The following FAT3 variants were observed in gnomAD, a reference collection of about 807,000 sequenced individuals.
FAT3 encodes protocadherin Fat 3.
In FAT3, 95 loss-of-function variants were observed where a neutral mutation model predicts 310.2. That is an observed-to-expected ratio of 0.31 (90% CI 0.26 to 0.36). The LOEUF (loss-of-function observed/expected upper bound fraction) is 0.36, where lower values mean the gene tolerates loss of function less well. FAT3 is among the 10% of genes least tolerant of loss of function. The probability of loss-of-function intolerance (pLI) is 1.00; values close to 1 mark genes in which losing one functional copy is unlikely to be tolerated. For missense variants in FAT3, 5,408 were observed against 5,715.6 expected (o/e 0.95, Z 1.74); for synonymous variants, 2,314 against 2,192.9 (o/e 1.06, Z -1.54).
At chr11:92,433,696 T>C (rs1016785906) in intron 2 of FAT3, among the ~76,000 whole-genome samples, 6 of 151,886 alleles carry the variant, frequency 4.0e-5, no homozygotes, top group Non-Finnish European at 8.8e-5. Context: ...TGCCCAGGAA[T>C]CGAAAAGCCA....
chr11:92,696,126 GTA>G (rs563569384), intron 3 of FAT3, among the ~76,000 whole-genome samples: 8 of 147,404 alleles, frequency 5.4e-5, no homozygotes, highest in African/African-American at 5.0e-5. Context: ...TATACCATGT[GTA>G]TATATATATA....
In FAT3 at chr11:92,890,866, C is replaced by T. The variant is rs757499607; in HGVS notation, c.13523C>T (p.Pro4508Leu). The T allele has an allele frequency of 9.3e-6, 15 of 1,613,846 alleles. No individual in the cohort carries two copies. The highest frequency in any genetic ancestry group is 2.7e-5 in the African/African-American group (2 of 74,914). The change falls in exon 28 of 28, where the codon CCG becomes CTG. Residue 4508 changes from proline (P) to leucine (L), a missense_variant. By Grantham distance (98) the Pro-to-Leu change is moderately conservative. Coordinates refer to ENST00000525166, the MANE Select transcript of FAT3 (RefSeq NM_001367949.2). ...PFPNETDLVG[P>L]PASCEFSTFA... is the part of the protein sequence containing the mutation. ...CCCAACGAAACGGATTTGGTGGGCCCGCCTGCCAGCTGTGAATTTAGTACT... is the reference window on the plus strand; with the variant it reads ...CCCAACGAAACGGATTTGGTGGGCCTGCCTGCCAGCTGTGAATTTAGTACT...
At chr11:92,788,982 T>G (rs1946969499) in intron 7 of FAT3, among the ~76,000 whole-genome samples, 1 of 152,180 alleles carries the variant, frequency 6.6e-6, no homozygotes, top group Non-Finnish European at 1.5e-5. Context: ...TTTGCATATC[T>G]TGGTTAAAAG....
chr11:92,352,776 G>T lies in FAT3; in HGVS notation c.664G>T (p.Asp222Tyr), dbSNP rs771802971. 1 of 1,613,842 alleles carries T rather than the reference G, an allele frequency of 6.2e-7. No individual in the cohort carries two copies. The highest frequency in any genetic ancestry group is 1.1e-5 in the South Asian group (1 of 91,082). Residue 222 changes from aspartate to tyrosine, a missense_variant, in exon 2 of 28, where the codon GAT becomes TAT. Physicochemically the swap from Asp to Tyr is radical, Grantham distance 160. Around this residue, in one of 5 missense-constraint regions of FAT3, gnomAD observed 4,588 missense variants for 4,809.8 expected, o/e 0.95. Transcript: ENST00000525166. ...VISLSGRLNY[D>Y]EKNRYDLEIL... is the part of the protein sequence containing the mutation. ...CTCCTTAAGTGGTCGATTAAATTAT[G>T]ATGAAAAGAATAGGTATGATCTGGA... is the stretch of plus-strand genomic sequence containing the variant.
rs1338690498 is a variant in FAT3, at chr11:92,892,583, T to G, written c.*1470T>G. 1 of 152,106 alleles carries G rather than the reference T, an allele frequency of 6.6e-6. No individual in the cohort carries two copies. The allele number at this position is 152,106 out of a possible 1,614,324, so 9.4% of individuals were successfully genotyped here. Reference sequence around the variant, plus strand: ...TGTGCCACCACGCCTGGCTAATTTTTTGTATTTTTAGTAGAGATGGGGTTT... The same window carrying G: ...TGTGCCACCACGCCTGGCTAATTTTGTGTATTTTTAGTAGAGATGGGGTTT... On this transcript the variant is annotated 3_prime_UTR_variant, in exon 28 of 28. Coordinates refer to ENST00000525166, the MANE Select transcript of FAT3 (RefSeq NM_001367949.2).
intron 4 of FAT3, among the ~76,000 whole-genome samples, chr11:92,697,930 A>G (rs759537594): frequency 6.6e-6 from 1 of 152,226 alleles, no homozygotes; most frequent in Non-Finnish European, 1.5e-5. Flanking sequence ...CCTTTAATTC[A>G]TTAAGACAGA....
At chr11:92,370,502 T>C (rs1949155830) in intron 2 of FAT3, among the ~76,000 whole-genome samples, 3 of 152,228 alleles carry the variant, frequency 2.0e-5, no homozygotes, top group African/African-American at 7.2e-5. Flanking sequence ...TAGGTATTTC[T>C]TTCTTACACC....
At chr11:92,638,202 G>T (rs1210349136) in intron 3 of FAT3, among the ~76,000 whole-genome samples, 1 of 152,188 alleles carries the variant, frequency 6.6e-6, no homozygotes, top group Non-Finnish European at 1.5e-5. Flanking sequence ...TTAAATTTAA[G>T]CTACATTAAG....
In FAT3 at chr11:92,234,240, A is replaced by C. The variant is rs1864317789; in HGVS notation, c.-18+9066A>C. Among the ~76,000 whole-genome samples, 8 of 152,304 alleles carry C rather than the reference A, an allele frequency of 5.3e-5. No homozygotes were observed. The South Asian group carries it at 1.7e-3, about 32-fold the overall frequency. On this transcript the variant is annotated intron_variant, in intron 1 of 27. Coordinates refer to ENST00000525166, the MANE Select transcript of FAT3 (RefSeq NM_001367949.2). ...TCTCTCTTACATTTATCTGTTTTTTAAGTTTAGATTTTGTATATTAAATTT... is the reference window on the plus strand; with the variant it reads ...TCTCTCTTACATTTATCTGTTTTTTCAGTTTAGATTTTGTATATTAAATTT...
At chr11:92,379,084 G>A (rs146546304) in intron 2 of FAT3, among the ~76,000 whole-genome samples, 3 of 152,130 alleles carry the variant, frequency 2.0e-5, no homozygotes, top group East Asian at 3.9e-4. Context: ...CATACCCCCT[G>A]CCACTCCTCT....
intron 2 of FAT3, among the ~76,000 whole-genome samples, chr11:92,463,955 G>A (rs947198058): frequency 5.9e-5 from 9 of 152,106 alleles, no homozygotes; most frequent in African/African-American, 2.2e-4. Flanking sequence ...ACGTGAATGT[G>A]GTAAAATAAT....
At chr11:92,651,589 C>T (rs1201153990) in intron 3 of FAT3, among the ~76,000 whole-genome samples, 6 of 152,152 alleles carry the variant, frequency 3.9e-5, no homozygotes, top group Non-Finnish European at 8.8e-5. Flanking sequence ...AATAAATCCA[C>T]CTGTCCCTAC....
intron 2 of FAT3, among the ~76,000 whole-genome samples, chr11:92,454,386 A>G (rs1041116106): frequency 2.0e-5 from 3 of 152,172 alleles, no homozygotes; most frequent in Admixed American, 6.5e-5. Flanking sequence ...GTATAGTGCA[A>G]CCAGCCTGAT....
At chr11:92,686,814 T>C (rs548186416) in intron 3 of FAT3, among the ~76,000 whole-genome samples, 1 of 152,342 alleles carries the variant, frequency 6.6e-6, no homozygotes, top group African/African-American at 2.4e-5. Context: ...TTCAAGACTT[T>C]GCACATTCTC....
Position 92,876,284 on chromosome 11 carries a change from G to C in FAT3, c.12128-4447G>C, listed in dbSNP as rs192663375. Reference sequence around the variant, plus strand: ...CCTCCCAAGTTACTGTTTGTCTAAAGACATGCCATCATAGCCAACAACTAG... The same window carrying C: ...CCTCCCAAGTTACTGTTTGTCTAAACACATGCCATCATAGCCAACAACTAG... On this transcript the variant is annotated intron_variant, in intron 22 of 27. Coordinates refer to ENST00000525166, the MANE Select transcript of FAT3 (RefSeq NM_001367949.2). Among the ~76,000 whole-genome samples the C allele has an allele frequency of 1.1e-4, 17 of 152,264 alleles. No individual in the cohort carries two copies. In the East Asian group the frequency reaches 3.3e-3, roughly 29 times the overall value.
At chr11:92,727,384 G>A (rs1056438017) in intron 4 of FAT3, among the ~76,000 whole-genome samples, 15 of 151,994 alleles carry the variant, frequency 9.9e-5, no homozygotes, top group South Asian at 4.2e-4. Flanking sequence ...GCCTGTCAGG[G>A]AAGACAGACA....
intron 3 of FAT3, among the ~76,000 whole-genome samples, chr11:92,587,708 G>A (rs753507661): frequency 3.3e-5 from 5 of 151,928 alleles, no homozygotes; most frequent in Non-Finnish European, 5.9e-5. Context: ...TGGTTTCAGA[G>A]TATATGGAAT....
chr11:92,547,355 G>A (rs1234075049), intron 3 of FAT3, among the ~76,000 whole-genome samples: 1 of 152,118 alleles, frequency 6.6e-6, no homozygotes, highest in East Asian at 1.9e-4. Context: ...AAATTGAAAA[G>A]AAGCAATATT....
chr11:92,290,278 C>G (rs965650116), intron 1 of FAT3, among the ~76,000 whole-genome samples: 1 of 152,132 alleles, frequency 6.6e-6, no homozygotes, highest in African/African-American at 2.4e-5. Context: ...CAGTCTCCCT[C>G]CTCTAGAATA....
Sources: gnomAD v4.1 joint callset for allele counts (sites outside exome capture counted in the v4.1 genomes callset) on GRCh38, gnomAD v4.1.1 for gene constraint, gnomAD v4.1.1 regional missense constraint, MANE v1.5 for transcripts, NCBI Gene and HGNC (gene_info 2026-07-23, HGNC 2026-07-21) for gene names.